The following WDR26 variants were observed in gnomAD, a reference collection of about 807,000 sequenced individuals.
WDR26 encodes WD repeat-containing protein 26.
A neutral mutation model predicts 84.1 loss-of-function variants in WDR26; 5 were observed. That is an observed-to-expected ratio of 0.06 (90% CI 0.03 to 0.13). The LOEUF (loss-of-function observed/expected upper bound fraction) is 0.13. WDR26 is among the 10% of genes least tolerant of loss of function. The pLI is 1.00. For missense variants in WDR26, 642 were observed against 974.9 expected (o/e 0.66, Z 4.55); for synonymous variants, 415 against 389.6 (o/e 1.07, Z -0.77).
At position 224,418,388 on chromosome 1, in the gene WDR26, G is replaced by T; in HGVS notation, c.1191C>A (p.Pro397=). 6.2e-7 allele frequency: 1 copy of T among 1,612,384 alleles called. No individual in the cohort carries two copies. Among genetic ancestry groups the T allele is most frequent in the South Asian group, 1.1e-5 (1 of 90,748 alleles). The change falls in exon 6 of 14, where the codon CCC becomes CCA. Residue 397 remains proline (P), a synonymous_variant. Coordinates refer to ENST00000414423, the MANE Select transcript of WDR26 (RefSeq NM_001379403.1). ...GCAGGAGAGTCTGTAAACGCCGTGGGGGAAGCATCACTGATGGTGGTAAAT... is the reference window on the plus strand; with the variant it reads ...GCAGGAGAGTCTGTAAACGCCGTGGTGGAAGCATCACTGATGGTGGTAAAT...
intron 3 of WDR26, among the ~76,000 whole-genome samples, chr1:224,427,960 G>C (rs1387400717): frequency 6.6e-6 from 1 of 151,802 alleles, no homozygotes; most frequent in Non-Finnish European, 1.5e-5. Context: ...AAGAAATAAA[G>C]ACAAAAAAAG....
intron 3 of WDR26, among the ~76,000 whole-genome samples, chr1:224,426,088 C>G (rs1186039148): frequency 6.6e-6 from 1 of 152,090 alleles, no homozygotes; most frequent in Non-Finnish European, 1.5e-5. Context: ...GAACTCCTGA[C>G]CTCAAGTGAT....
At chr1:224,406,444 GT>G (rs1673570625) in intron 7 of WDR26, among the ~76,000 whole-genome samples, 2 of 152,188 alleles carry the variant, frequency 1.3e-5, no homozygotes, top group African/African-American at 4.8e-5. Flanking sequence ...GTTGAAAAAA[GT>G]TGGGAACTAG....
In WDR26 at chr1:224,388,165, C is replaced by T. The variant is rs536897904; in HGVS notation, c.*1670G>A. ...TTTCCCTTTCTCCCATCCCCGACCACCTACCCCACAATGGAAGAATTTTTG... is the reference window on the plus strand; with the variant it reads ...TTTCCCTTTCTCCCATCCCCGACCATCTACCCCACAATGGAAGAATTTTTG... On this transcript the variant is annotated 3_prime_UTR_variant, in exon 14 of 14. Coordinates refer to ENST00000414423, the MANE Select transcript of WDR26 (RefSeq NM_001379403.1). 1.3e-5 allele frequency: 2 copies of T among 152,360 alleles called. No homozygotes were observed. Among genetic ancestry groups the T allele is most frequent in the South Asian group, 2.1e-4 (1 of 4,830 alleles). 9.4% of individuals were successfully genotyped at this position (152,360 alleles called of 1,614,324 possible).
At position 224,404,545 on chromosome 1, in the gene WDR26, T is replaced by C. The variant is rs1673500629; in HGVS notation, c.1484A>G (p.Lys495Arg). 1 of 1,613,348 alleles carries C rather than the reference T, an allele frequency of 6.2e-7. No individual in the cohort carries two copies. Among genetic ancestry groups the C allele is most frequent in the African/African-American group, 1.3e-5 (1 of 74,914 alleles). ...GCCATAAGCATGTCCTTCTAATGTT[T>C]TAAGCAGTTTTAGCAGGTGTGTATC... Residue 495 changes from lysine (K) to arginine (R), a missense_variant, in exon 8 of 14, where the codon AAA becomes AGA. Coordinates refer to ENST00000414423, the MANE Select transcript of WDR26 (RefSeq NM_001379403.1).
At chr1:224,413,351 C>T (rs1321700051) in intron 6 of WDR26, 1 of 1,199,740 alleles carries the variant, frequency 8.3e-7, no homozygotes, top group Non-Finnish European at 1.1e-6. Context: ...ACAAAATATA[C>T]ATTTAAAAAT....
intron 4 of WDR26, among the ~76,000 whole-genome samples, chr1:224,422,541 C>T (rs112736519): frequency 0.021 from 3,239 of 152,152 alleles, 54 homozygotes; most frequent in Non-Finnish European, 0.034. Context: ...TGTGGTGAGA[C>T]CCCATCTCTA....
chr1:224,433,914 G>A lies in WDR26; in HGVS notation c.492C>T (p.Pro164=). 2.0e-6 allele frequency: 3 copies of A among 1,536,556 alleles called. No individual in the cohort carries two copies. The highest frequency in any genetic ancestry group is 2.6e-6 in the Non-Finnish European group (3 of 1,146,668). ...TGTTGCTATTGTTGCTGGCGGCGGA[G>A]GGGGCGGAAGGCAGGAGCCCATTGG... The change falls in exon 1 of 14, where the codon CCC becomes CCT. Residue 164 remains proline, a synonymous_variant. Transcript: ENST00000414423.
rs1182471092 is a variant in WDR26, at chr1:224,399,053, C to T, written c.1720-19G>A. 2 of 1,499,494 alleles carry T rather than the reference C, an allele frequency of 1.3e-6. No individual in the cohort carries two copies. Among genetic ancestry groups the T allele is most frequent in the Non-Finnish European group, 1.8e-6 (2 of 1,130,424 alleles). 92.9% of individuals were successfully genotyped at this position (1,499,494 alleles called of 1,614,324 possible). A position where few individuals can be genotyped will look rare whatever the true frequency, so the allele number is the denominator to read the frequency against. ...CTAAGTCCTGAGTAAGAAAAAACTA[C>T]TATTAACTTCATTACTCAACAGCAC... On this transcript the variant is annotated intron_variant, in intron 9 of 13. Transcript: ENST00000414423.
chr1:224,430,302 T>TA (rs1313353655), intron 3 of WDR26: 4 of 152,164 alleles, frequency 2.6e-5, no homozygotes, highest in African/African-American at 9.7e-5. Flanking sequence ...CCAATCATCT[T>TA]AGTCAACAGT....
At chr1:224,391,120 T>G (rs1572151649) in intron 13 of WDR26, among the ~76,000 whole-genome samples, 1 of 151,210 alleles carries the variant, frequency 6.6e-6, no homozygotes, top group South Asian at 2.1e-4. Context: ...ATCCCAGTAC[T>G]TTGGGAGGCC....
chr1:224,399,102 A>T (rs2102891714), intron 9 of WDR26, 68 bp from the exon 10 acceptor site: 2 of 1,378,934 alleles, frequency 1.5e-6, no homozygotes, highest in East Asian at 5.3e-5. Flanking sequence ...AAAGAACCAA[A>T]AGACTCCCTT....
chr1:224,401,688 AAG>A (rs1418306747), intron 8 of WDR26, among the ~76,000 whole-genome samples: 1 of 114,130 alleles, frequency 8.8e-6, no homozygotes, highest in African/African-American at 3.6e-5. Flanking sequence ...AAAAAAAAAA[AAG>A]AAAAAAAAAA....
chr1:224,418,367 G>C lies in WDR26; in HGVS notation c.1212C>G (p.Leu404=). ...TTTGTAGTTCCACCGCCTGCCGCAG[G>C]AGAGTCTGTAAACGCCGTGGGGGAA... Residue 404 remains leucine, a synonymous_variant, in exon 6 of 14, where the codon CTC becomes CTG. Coordinates refer to ENST00000414423, the MANE Select transcript of WDR26 (RefSeq NM_001379403.1). 1 of 1,613,678 alleles carries C rather than the reference G, an allele frequency of 6.2e-7. No homozygotes were observed. Among genetic ancestry groups the C allele is most frequent in the Non-Finnish European group, 8.5e-7 (1 of 1,179,744 alleles).
At chr1:224,398,345 C>A in intron 11 of WDR26, 119 bp from the exon 12 acceptor site, 1 of 1,367,954 alleles carries the variant, frequency 7.3e-7, no homozygotes, top group East Asian at 2.5e-5. Context: ...TGCAAAATAC[C>A]AACATTCTGA....
chr1:224,420,008 G>C (rs1674014152), intron 4 of WDR26, among the ~76,000 whole-genome samples: 1 of 152,180 alleles, frequency 6.6e-6, no homozygotes, highest in Non-Finnish European at 1.5e-5. Context: ...CTAGGGTTAA[G>C]AGGCTAAGTA....
intron 6 of WDR26, chr1:224,413,468 CTACTA>C (rs952315801): frequency 8.8e-5 from 26 of 294,164 alleles, no homozygotes; most frequent in African/African-American, 5.0e-4. Context: ...TTTAATATTA[CTACTA>C]TACATGTGTG....
At chr1:224,398,335 T>C (rs747583590) in intron 11 of WDR26, 109 bp from the exon 12 acceptor site, 30 of 1,410,484 alleles carry the variant, frequency 2.1e-5, no homozygotes, top group Admixed American at 5.3e-5. Context: ...TTTTCTATTA[T>C]GCAAAATACC....
At chr1:224,412,821 T>G (rs1406428651) in intron 6 of WDR26, 1 of 152,236 alleles carries the variant, frequency 6.6e-6, no homozygotes, top group African/African-American at 2.4e-5. Context: ...TGAATTTAAA[T>G]GGACACATGT....
Sources: allele counts gnomAD v4.1 joint callset (sites outside exome capture counted in the v4.1 genomes callset), GRCh38; gene constraint gnomAD v4.1.1; transcripts MANE v1.5; gene names NCBI Gene and HGNC (gene_info 2026-07-23, HGNC 2026-07-21).